PRICKLE1: variants seen among roughly 807,000 people sequenced by gnomAD.
PRICKLE1 encodes the protein prickle-like protein 1.
PRICKLE1 carries 14 observed loss-of-function variants against 70.2 expected under a neutral mutation model. That is an observed-to-expected ratio of 0.20 (90% confidence interval 0.13 to 0.31). The LOEUF (loss-of-function observed/expected upper bound fraction) is 0.31. PRICKLE1 is among the 10% of genes least tolerant of loss of function. The pLI is 1.00. For synonymous variants in PRICKLE1, 357 were observed against 379.9 expected (o/e 0.94, Z 0.70); for missense variants, 821 against 1,026.2 (o/e 0.80, Z 2.73).
At chr12:42,548,700 G>T (rs1243226768) in intron 1 of PRICKLE1, among the ~76,000 whole-genome samples, 1 of 152,218 alleles carries the variant, frequency 6.6e-6, no homozygotes, top group Non-Finnish European at 1.5e-5. Flanking sequence ...TGGAGAGGAG[G>T]TGAGTAGCAT....
Position 42,568,909 on chromosome 12 carries a change from G to T in PRICKLE1, c.-49+20556C>A, listed in dbSNP as rs1346738121. ...TTTTTTGATAGAAAAATGATAAGCA[G>T]AAACAAAAAAAAATCCATAATCCAT... On this transcript the variant is annotated intron_variant, in intron 1 of 7. Transcript: ENST00000345127. 3.3e-5 allele frequency among the ~76,000 whole-genome samples: 5 copies of T among 151,500 alleles called. No homozygotes were observed. In the East Asian group the frequency reaches 9.7e-4, roughly 29 times the overall value.
chr12:42,506,022 G>A (rs1939403214), intron 1 of PRICKLE1, among the ~76,000 whole-genome samples: 1 of 152,134 alleles, frequency 6.6e-6, no homozygotes, highest in African/African-American at 2.4e-5. Context: ...AGAACAAAAA[G>A]TTATTTTAAG....
chr12:42,484,011 TAAAAAAAAAAAAAAAAAAAAAA>T (rs66707460), intron 1 of PRICKLE1: 1 of 20,862 alleles, frequency 4.8e-5, no homozygotes, highest in Non-Finnish European at 7.5e-5. Flanking sequence ...GAGCCCGCAG[TAAAAAAAAAAAAAAAAAAAAAA>T]AAAAAAAAAA....
intron 1 of PRICKLE1, chr12:42,483,268 C>G (rs997725496): frequency 2.0e-5 from 3 of 152,686 alleles, no homozygotes; most frequent in African/African-American, 7.2e-5. Context: ...GTCTGTCCCT[C>G]AGCTTCCAAC....
intron 1 of PRICKLE1, among the ~76,000 whole-genome samples, chr12:42,552,925 G>C (rs1417301673): frequency 6.6e-6 from 1 of 152,162 alleles, no homozygotes; most frequent in Non-Finnish European, 1.5e-5. Context: ...TCCCTCTCCT[G>C]CGCGGTTCAC....
At chr12:42,587,763 A>C (rs1050882783) in intron 1 of PRICKLE1, among the ~76,000 whole-genome samples, 2 of 152,252 alleles carry the variant, frequency 1.3e-5, no homozygotes, top group African/African-American at 4.8e-5. Context: ...TCCACCAGAC[A>C]GCAAGATGAA....
chr12:42,573,820 G>A (rs774019588), intron 1 of PRICKLE1, among the ~76,000 whole-genome samples: 7 of 152,146 alleles, frequency 4.6e-5, no homozygotes, highest in African/African-American at 7.2e-5. Context: ...AAAGGCATGA[G>A]CCACCGCACC....
At chr12:42,476,092 CAA>C (rs398044331) in intron 1 of PRICKLE1, among the ~76,000 whole-genome samples, 52 of 101,724 alleles carry the variant, frequency 5.1e-4, no homozygotes, top group South Asian at 6.6e-4. Context: ...AACTCCGTCT[CAA>C]AAAAAAAAAA....
At position 42,485,239 on chromosome 12, in the gene PRICKLE1, G is replaced by GTTTTTTTTTTTTTTTT. The variant is rs556218718; in HGVS notation, c.-48-12691_-48-12676dup. 3.0e-5 allele frequency: 3 copies of GTTTTTTTTTTTTTTTT among 100,784 alleles called. 1 individual carries two copies. The highest frequency in any genetic ancestry group is 7.4e-5 in the African/African-American group (2 of 27,106). The allele number at this position is 100,784 out of a possible 1,614,324, so 6.2% of individuals were successfully genotyped here. On this transcript the variant is annotated intron_variant, in intron 1 of 7. Transcript: ENST00000345127. The stretch of plus-strand genomic sequence containing the variant: ...AGCTACAAAGTAAGGCAGCTGAGAA[G>GTTTTTTTTTTTTTTTT]TTTTTTTTTTTTTTTTTTTTTTTTT...
intron 1 of PRICKLE1, among the ~76,000 whole-genome samples, chr12:42,515,466 G>A (rs921493030): frequency 1.3e-5 from 2 of 152,076 alleles, no homozygotes; most frequent in African/African-American, 4.8e-5. Context: ...TCGAACTCCT[G>A]ACCTCGGGTG....
chr12:42,583,996 CA>C (rs2120809314), intron 1 of PRICKLE1, among the ~76,000 whole-genome samples: 1 of 152,178 alleles, frequency 6.6e-6, no homozygotes, highest in Non-Finnish European at 1.5e-5. Flanking sequence ...TCTAATAAGT[CA>C]AATATATCTA....
intron 1 of PRICKLE1, among the ~76,000 whole-genome samples, chr12:42,527,917 ATATATATATATATATATATATATAT>A (rs1282041915): frequency 3.4e-5 from 4 of 117,644 alleles, no homozygotes; most frequent in African/African-American, 1.4e-4. Context: ...ACTCTTTATA[ATATATATATATATATATATATATAT>A]ATATATATAT....
At chr12:42,493,866 AAAAAG>A (rs1365270720) in intron 1 of PRICKLE1, among the ~76,000 whole-genome samples, 124 of 152,086 alleles carry the variant, frequency 8.2e-4, no homozygotes, top group African/African-American at 2.6e-3. Flanking sequence ...TAAAAAAAAA[AAAAAG>A]AAAAGAAAAG....
chr12:42,532,616 G>A (rs1246928842), intron 1 of PRICKLE1, among the ~76,000 whole-genome samples: 1 of 152,074 alleles, frequency 6.6e-6, no homozygotes, highest in Non-Finnish European at 1.5e-5. Context: ...TTCTTGTTCC[G>A]GCCGGGCGCG....
intron 1 of PRICKLE1, among the ~76,000 whole-genome samples, chr12:42,562,264 A>C (rs1940530171): frequency 6.6e-6 from 1 of 152,188 alleles, no homozygotes; most frequent in Non-Finnish European, 1.5e-5. Context: ...TTTGTGCAGT[A>C]GAAAATTAAA....
intron 1 of PRICKLE1, among the ~76,000 whole-genome samples, chr12:42,538,646 T>G: frequency 6.6e-6 from 1 of 152,226 alleles, no homozygotes. Context: ...TAATACCATA[T>G]GGTTTAATGC....
intron 1 of PRICKLE1, among the ~76,000 whole-genome samples, chr12:42,476,821 T>C (rs1461686572): frequency 6.6e-6 from 1 of 151,404 alleles, no homozygotes; most frequent in East Asian, 2.0e-4. Flanking sequence ...GTTTTTTGTT[T>C]TTGTTTTTTG....
chr12:42,578,679 C>T (rs1323589224), intron 1 of PRICKLE1, among the ~76,000 whole-genome samples: 1 of 152,030 alleles, frequency 6.6e-6, no homozygotes, highest in Non-Finnish European at 1.5e-5. Context: ...ATCTCTATCT[C>T]CTTTCTAAAA....
intron 1 of PRICKLE1, among the ~76,000 whole-genome samples, chr12:42,492,260 C>A (rs746865134): frequency 1.2e-4 from 19 of 152,256 alleles, no homozygotes; most frequent in Middle Eastern, 3.4e-3. Context: ...AGGCACTACA[C>A]CCAGCTAAAT....
Sources: allele counts gnomAD v4.1 joint callset (sites outside exome capture counted in the v4.1 genomes callset), GRCh38; gene constraint gnomAD v4.1.1; transcripts MANE v1.5; gene names NCBI Gene and HGNC (gene_info 2026-07-23, HGNC 2026-07-21).